DLG2: variants seen among roughly 807,000 people sequenced by gnomAD.
DLG2 encodes the protein discs large MAGUK scaffold protein 2.
DLG2 carries 45 observed loss-of-function variants against 132.5 expected under a neutral mutation model. The ratio of observed to expected loss-of-function variants is 0.34; its 90% CI spans 0.27 to 0.44. The LOEUF (loss-of-function observed/expected upper bound fraction) is 0.44. Among genes scored for constraint, DLG2 ranks in the 20% least tolerant of loss-of-function variants. The probability of loss-of-function intolerance (pLI) is 1.00; values close to 1 mark genes in which losing one functional copy is unlikely to be tolerated. For synonymous variants in DLG2, 424 were observed against 419.6 expected (o/e 1.01, Z -0.13); for missense variants, 1,045 against 1,196.9 (o/e 0.87, Z 1.87).
intron 6 of DLG2, among the ~76,000 whole-genome samples, chr11:85,102,823 G>T (rs1194509669): frequency 6.6e-6 from 1 of 151,906 alleles, no homozygotes; most frequent in Non-Finnish European, 1.5e-5. Context: ...TAAAAAGGAA[G>T]AAGTAAAACT....
At chr11:84,717,704 A>G (rs2061379357) in intron 6 of DLG2, among the ~76,000 whole-genome samples, 1 of 152,072 alleles carries the variant, frequency 6.6e-6, no homozygotes, top group Non-Finnish European at 1.5e-5. Flanking sequence ...CAAGAGAACT[A>G]TCTTAATAAC....
chr11:84,148,157 T>TA (rs151134528), intron 9 of DLG2, among the ~76,000 whole-genome samples: 3,490 of 152,126 alleles, frequency 0.023, 136 homozygotes, highest in African/African-American at 0.079. Flanking sequence ...TGTTTTATAA[T>TA]AAAAAAAATC....
chr11:84,194,462 G>C (rs1487113553), intron 8 of DLG2, among the ~76,000 whole-genome samples: 1 of 152,202 alleles, frequency 6.6e-6, no homozygotes, highest in Non-Finnish European at 1.5e-5. Context: ...GCAGCAGGAA[G>C]ACTTATTGCA....
intron 6 of DLG2, among the ~76,000 whole-genome samples, chr11:84,613,996 A>G (rs1240745147): frequency 6.6e-6 from 1 of 152,188 alleles, no homozygotes; most frequent in African/African-American, 2.4e-5. Flanking sequence ...AATCAGATGG[A>G]AAAAGAGATA....
chr11:84,522,065 A>C (rs1295448437), intron 7 of DLG2, among the ~76,000 whole-genome samples: 1 of 152,082 alleles, frequency 6.6e-6, no homozygotes, highest in African/African-American at 2.4e-5. Context: ...CTACTTGGGA[A>C]GCTGAAGCAG....
intron 6 of DLG2, among the ~76,000 whole-genome samples, chr11:84,663,380 C>T (rs1366052900): frequency 6.6e-6 from 1 of 151,980 alleles, no homozygotes; most frequent in Non-Finnish European, 1.5e-5. Flanking sequence ...CTGTCCTGGG[C>T]TCCAAGAGTG....
chr11:83,863,930 A>C (rs1231811008), intron 16 of DLG2, among the ~76,000 whole-genome samples: 1 of 152,200 alleles, frequency 6.6e-6, no homozygotes, highest in African/African-American at 2.4e-5. Flanking sequence ...TTTTATTATC[A>C]GGCAACATTG....
chr11:83,585,332 T>C (rs1373634411), intron 19 of DLG2, among the ~76,000 whole-genome samples: 2 of 152,186 alleles, frequency 1.3e-5, no homozygotes, highest in African/African-American at 2.4e-5. Context: ...CCAGGGAATG[T>C]ACCATACAAT....
chr11:83,680,148 C>T (rs1868892), intron 18 of DLG2, among the ~76,000 whole-genome samples: 68,635 of 151,848 alleles, frequency 0.45, 17,246 homozygotes, highest in African/African-American at 0.68. Context: ...GAGTTCATCA[C>T]GGGTGGGTGG....
At chr11:85,334,564 T>G (rs1403414891) in intron 3 of DLG2, among the ~76,000 whole-genome samples, 1 of 152,192 alleles carries the variant, frequency 6.6e-6, no homozygotes, top group Non-Finnish European at 1.5e-5. Context: ...AACATGGGCT[T>G]TTAGCTCTAT....
At chr11:84,899,662 A>T (rs2090640614) in intron 6 of DLG2, among the ~76,000 whole-genome samples, 2 of 152,078 alleles carry the variant, frequency 1.3e-5, no homozygotes, top group Non-Finnish European at 2.9e-5. Flanking sequence ...CCCATAATCT[A>T]TTCCAATTCC....
chr11:85,417,304 A>G lies in DLG2; in HGVS notation c.41-131939T>C, dbSNP rs144932493. 9.3e-3 allele frequency among the ~76,000 whole-genome samples: 1,415 copies of G among 152,278 alleles called. 17 individuals carry two copies. The highest frequency in any genetic ancestry group is 0.031 in the African/African-American group (1,275 of 41,572). ...TCCCAGAAATGAAGCTGACTTGATC[A>G]TGGTGGATAAGCTTTTTGATGTGTT... On this transcript the variant is annotated intron_variant, in intron 3 of 27. Transcript: ENST00000376104.
chr11:83,531,270 G>T (rs2095736771), intron 21 of DLG2, among the ~76,000 whole-genome samples: 2 of 151,896 alleles, frequency 1.3e-5, no homozygotes, highest in South Asian at 4.1e-4. Flanking sequence ...TCTCATAAAG[G>T]TTTAATAACC....
chr11:85,145,113 T>G (rs989829432), intron 5 of DLG2, among the ~76,000 whole-genome samples: 1 of 149,506 alleles, frequency 6.7e-6, no homozygotes, highest in African/African-American at 2.5e-5. Flanking sequence ...AAAAGTTGTT[T>G]CATTTTTTTT....
At chr11:83,923,676 C>T (rs1201361740) in intron 15 of DLG2, among the ~76,000 whole-genome samples, 4 of 152,138 alleles carry the variant, frequency 2.6e-5, no homozygotes, top group Non-Finnish European at 5.9e-5. Context: ...TCACCAAGTA[C>T]CACCTGTTTT....
chr11:84,826,959 GT>G (rs2078398923), intron 6 of DLG2, among the ~76,000 whole-genome samples: 1 of 151,772 alleles, frequency 6.6e-6, no homozygotes, highest in Admixed American at 6.6e-5. Flanking sequence ...TTCTAACAAG[GT>G]TTTTCTGTGT....
At chr11:84,804,902 G>T (rs1280045363) in intron 6 of DLG2, among the ~76,000 whole-genome samples, 1 of 152,140 alleles carries the variant, frequency 6.6e-6, no homozygotes, top group African/African-American at 2.4e-5. Context: ...CTAGGCAGTA[G>T]TAAAGCCATC....
intron 21 of DLG2, 92 bp downstream of exon 21, chr11:83,532,616 A>C: frequency 9.6e-7 from 1 of 1,041,126 alleles, no homozygotes; most frequent in South Asian, 1.3e-5. Context: ...GTACCTTCAT[A>C]ATTTGTTTGC....
intron 3 of DLG2, among the ~76,000 whole-genome samples, chr11:85,293,529 A>C (rs2079040333): frequency 6.6e-6 from 1 of 152,224 alleles, no homozygotes; most frequent in South Asian, 2.1e-4. Context: ...AAAATGCGTA[A>C]GTTGAATCTA....
Sources: allele counts gnomAD v4.1 joint callset (sites outside exome capture counted in the v4.1 genomes callset), GRCh38; gene constraint gnomAD v4.1.1; transcripts MANE v1.5; gene names NCBI Gene and HGNC (gene_info 2026-07-23, HGNC 2026-07-21).